Variants in RSBN1L observed in about 807,000 individuals in gnomAD.
The protein encoded by RSBN1L is lysine-specific demethylase RSBN1L.
RSBN1L carries 30 observed loss-of-function variants against 67.7 expected under a neutral mutation model. The ratio of observed to expected loss-of-function variants is 0.44; its 90% confidence interval spans 0.33 to 0.60. RSBN1L has a LOEUF of 0.60. Ranked by LOEUF, RSBN1L falls within the 20% of genes least tolerant of loss-of-function variation. The pLI is 0.02. For synonymous variants in RSBN1L, 433 were observed against 387.0 expected (o/e 1.12, Z -1.39); for missense variants, 992 against 1,031.7 (o/e 0.96, Z 0.53).
At chr7:77,769,650 T>C (rs1158691961) in intron 5 of RSBN1L, among the ~76,000 whole-genome samples, 1 of 152,180 alleles carries the variant, frequency 6.6e-6, no homozygotes, top group Non-Finnish European at 1.5e-5. Flanking sequence ...TAGACTGGAC[T>C]AAGACATTTG....
intron 3 of RSBN1L, among the ~76,000 whole-genome samples, chr7:77,753,018 G>A (rs1416454795): frequency 6.6e-6 from 1 of 152,172 alleles, no homozygotes; most frequent in Non-Finnish European, 1.5e-5. Context: ...GTATACCAGT[G>A]TTAATATACC....
At chr7:77,737,299 TTGA>T (rs1260478737) in intron 2 of RSBN1L, among the ~76,000 whole-genome samples, 1 of 152,170 alleles carries the variant, frequency 6.6e-6, no homozygotes, top group Non-Finnish European at 1.5e-5. Context: ...ATGTTGATAG[TTGA>T]TGATGAGAAT....
At chr7:77,704,532 T>G (rs1279628823) in intron 1 of RSBN1L, among the ~76,000 whole-genome samples, 1 of 152,252 alleles carries the variant, frequency 6.6e-6, no homozygotes, top group Non-Finnish European at 1.5e-5. Flanking sequence ...CCCATTATGC[T>G]ACTTCAACAG....
At chr7:77,759,870 C>G (rs909961663) in intron 3 of RSBN1L, 1 of 152,140 alleles carries the variant, frequency 6.6e-6, no homozygotes, top group Non-Finnish European at 1.5e-5. Context: ...CAGTGAGACT[C>G]CTCAGAAACT....
rs191694614 is a variant in RSBN1L at position 77,741,416 on chromosome 7, A to T, written c.703+4890A>T. On this transcript the variant is annotated intron_variant, in intron 2 of 7. Coordinates refer to ENST00000334955, the MANE Select transcript of RSBN1L (RefSeq NM_198467.3). ...TTACAGAATTATAGATTTAGGCCAG[A>T]TGTGGTGGCTCACGCCTGTAATCCC... 2.6e-5 allele frequency among the ~76,000 whole-genome samples: 4 copies of T among 151,688 alleles called. No individual in the cohort carries two copies. In the East Asian group the frequency reaches 7.8e-4, roughly 30 times the overall value.
chr7:77,709,324 G>C (rs567578772), intron 1 of RSBN1L, among the ~76,000 whole-genome samples: 10 of 151,878 alleles, frequency 6.6e-5, no homozygotes, highest in African/African-American at 2.2e-4. Context: ...GAGTCTTCCT[G>C]TGTCACCCAG....
rs1008194494 is a variant in RSBN1L at position 77,718,439 on chromosome 7, C to T, written c.587-17971C>T. On this transcript the variant is annotated intron_variant, in intron 1 of 7. Transcript: ENST00000334955. ...CTGAGTAACTGGGACTACAAGTGCA[C>T]GACCACACCTGGCTAATTTTTTTGT... is the stretch of plus-strand genomic sequence containing the variant. 4.6e-5 allele frequency among the ~76,000 whole-genome samples: 7 copies of T among 152,020 alleles called. No individual in the cohort carries two copies. The South Asian group carries it at 6.2e-4, about 14-fold the overall frequency.
chr7:77,735,709 A>G lies in RSBN1L; in HGVS notation c.587-701A>G, dbSNP rs115260647. Among the ~76,000 whole-genome samples, 1,210 of 152,146 alleles carry G rather than the reference A, an allele frequency of 8.0e-3. 18 individuals carry two copies. Among genetic ancestry groups the G allele is most frequent in the African/African-American group, 0.028 (1,164 of 41,512 alleles). On this transcript the variant is annotated intron_variant, in intron 1 of 7. Transcript: ENST00000334955. ...TCACTATTTGTATATCCTTCTCTGT[A>G]TTTTGTCTTTTGCTGGGTGCATAGG...
At chr7:77,777,488 A>G (rs1791933207) in intron 6 of RSBN1L, among the ~76,000 whole-genome samples, 1 of 150,658 alleles carries the variant, frequency 6.6e-6, no homozygotes, top group Non-Finnish European at 1.5e-5. Context: ...TTTTTGGAGG[A>G]TATTTTTTGG....
At chr7:77,724,432 C>CTTTTTTTTTTTTTTTTTTTTTTT (rs557313211) in intron 1 of RSBN1L, among the ~76,000 whole-genome samples, 1 of 136,438 alleles carries the variant, frequency 7.3e-6, no homozygotes, top group Non-Finnish European at 1.6e-5. Context: ...TTTCTTTTTT[C>CTTTTTTTTTTTTTTTTTTTTTTT]TTTTTTTTTT....
In RSBN1L at chr7:77,749,655, A is replaced by G; in HGVS notation, c.935A>G (p.Asn312Ser). ...GTTGGGAAGAATTTGGATACCAAGA[A>G]CTATGATTCCAAAATTCCAGAGAAC... ...DYVGKNLDTK[N>S]YDSKIPENSE... The change falls in exon 3 of 8, where the codon AAC becomes AGC. Residue 312 changes from asparagine (N) to serine (S), a missense_variant. By Grantham distance (46) the Asn-to-Ser change is conservative. Transcript: ENST00000334955. The G allele has an allele frequency of 6.2e-7, 1 of 1,614,188 alleles. No homozygotes were observed. Among genetic ancestry groups the G allele is most frequent in the Non-Finnish European group, 8.5e-7 (1 of 1,180,018 alleles).
chr7:77,767,058 T>TC (rs1791776804), intron 4 of RSBN1L, among the ~76,000 whole-genome samples: 1 of 127,160 alleles, frequency 7.9e-6, no homozygotes, highest in Non-Finnish European at 1.7e-5. Context: ...CCCTTCCCCT[T>TC]CCCTTTCCCC....
At chr7:77,712,358 C>G (rs553133248) in intron 1 of RSBN1L, among the ~76,000 whole-genome samples, 1 of 151,812 alleles carries the variant, frequency 6.6e-6, no homozygotes, top group East Asian at 1.9e-4. Flanking sequence ...TCTCGGCTCA[C>G]TGCAACCTCC....
intron 1 of RSBN1L, among the ~76,000 whole-genome samples, chr7:77,729,476 T>C (rs1791247493): frequency 1.3e-5 from 2 of 152,348 alleles, no homozygotes; most frequent in Middle Eastern, 3.4e-3. Context: ...ACAATAAGAA[T>C]CAACTGGCAT....
chr7:77,708,072 T>G (rs552119587), intron 1 of RSBN1L, among the ~76,000 whole-genome samples: 10 of 152,302 alleles, frequency 6.6e-5, no homozygotes, highest in African/African-American at 1.9e-4. Flanking sequence ...CCTTGCAAAC[T>G]TTGTTAAATT....
At chr7:77,751,280 C>G (rs1393149196) in intron 3 of RSBN1L, among the ~76,000 whole-genome samples, 2 of 152,128 alleles carry the variant, frequency 1.3e-5, no homozygotes, top group East Asian at 3.9e-4. Flanking sequence ...GCTGGAATTA[C>G]AGACATGCAC....
At chr7:77,728,234 G>T (rs937735721) in intron 1 of RSBN1L, among the ~76,000 whole-genome samples, 4 of 152,128 alleles carry the variant, frequency 2.6e-5, no homozygotes, top group African/African-American at 9.7e-5. Context: ...GCATGCATGT[G>T]TGGTAATTTT....
At chr7:77,760,883 G>A (rs1424869897) in intron 3 of RSBN1L, among the ~76,000 whole-genome samples, 1 of 152,142 alleles carries the variant, frequency 6.6e-6, no homozygotes, top group Non-Finnish European at 1.5e-5. Context: ...TGATCCTCCC[G>A]CCTTGGCCTC....
At chr7:77,759,358 A>T (rs1791667713) in intron 3 of RSBN1L, among the ~76,000 whole-genome samples, 1 of 152,168 alleles carries the variant, frequency 6.6e-6, no homozygotes, top group Non-Finnish European at 1.5e-5. Flanking sequence ...ACTAATTTTA[A>T]AATGGATAAT....
Sources: allele counts gnomAD v4.1 joint callset (sites outside exome capture counted in the v4.1 genomes callset), GRCh38; gene constraint gnomAD v4.1.1; transcripts MANE v1.5; gene names NCBI Gene and HGNC (gene_info 2026-07-23, HGNC 2026-07-21).